The following DDX31 variants were observed in gnomAD, a reference collection of about 807,000 sequenced individuals.
The protein encoded by DDX31 is ATP-dependent DNA helicase DDX31.
Under a neutral mutation model 91.3 loss-of-function variants are expected in DDX31, and 70 were observed. The ratio of observed to expected loss-of-function variants is 0.77; its 90% confidence interval spans 0.63 to 0.94. The LOEUF is 0.94. Among genes scored for constraint, DDX31 ranks in the 40% least tolerant of loss-of-function variants. The probability of loss-of-function intolerance (pLI) is 0.00; values close to 1 mark genes in which losing one functional copy is unlikely to be tolerated. For missense variants in DDX31, 902 were observed against 925.0 expected (o/e 0.98, Z 0.32); for synonymous variants, 362 against 350.6 (o/e 1.03, Z -0.36).
chr9:132,655,691 A>C (rs1329515211), intron 6 of DDX31, among the ~76,000 whole-genome samples: 1 of 152,178 alleles, frequency 6.6e-6, no homozygotes, highest in Non-Finnish European at 1.5e-5. Context: ...AACAGAAGAA[A>C]CCAAAGTAAT....
intron 14 of DDX31, chr9:132,638,326 G>C: frequency 1.2e-6 from 2 of 1,614,056 alleles, no homozygotes; most frequent in Non-Finnish European, 1.7e-6. Context: ...GGTATTAAAA[G>C]CAAGGTTCCT....
intron 19 of DDX31, among the ~76,000 whole-genome samples, chr9:132,598,281 G>A (rs1055890267): frequency 2.0e-5 from 3 of 152,164 alleles, no homozygotes; most frequent in African/African-American, 7.2e-5. Flanking sequence ...CCAAGCATGC[G>A]ATGGGCACTC....
intron 1 of DDX31, among the ~76,000 whole-genome samples, chr9:132,667,071 A>G (rs533894495): frequency 2.0e-5 from 3 of 147,992 alleles, no homozygotes; most frequent in South Asian, 2.2e-4. Flanking sequence ...CTGGTCTCCA[A>G]CTCCTGACCT....
chr9:132,643,214 C>G (rs1833607830), intron 13 of DDX31, among the ~76,000 whole-genome samples: 1 of 152,010 alleles, frequency 6.6e-6, no homozygotes, highest in Non-Finnish European at 1.5e-5. Context: ...GGTTAAATTC[C>G]TAGAAACAGA....
intron 16 of DDX31, among the ~76,000 whole-genome samples, chr9:132,629,200 C>T (rs1053834225): frequency 2.0e-5 from 3 of 152,172 alleles, no homozygotes; most frequent in Admixed American, 1.3e-4. Context: ...GCACATCTTC[C>T]TTAACAAATA....
Position 132,661,391 on chromosome 9 carries a change from T to C in DDX31, c.409-140A>G, listed in dbSNP as rs192616766. On this transcript the variant is annotated intron_variant, in intron 3 of 19. Coordinates refer to ENST00000372159, the MANE Select transcript of DDX31 (RefSeq NM_022779.9). ...GTTCCTCCACCCAGGTGGTGCTCTC[T>C]ACTTGGGGCGATTCTGCCACCCGCC... is the stretch of plus-strand genomic sequence containing the variant. 69 of 742,196 alleles carry C rather than the reference T, an allele frequency of 9.3e-5. No homozygotes were observed. In the African/African-American group the frequency reaches 1.1e-3, roughly 12 times the overall value. The allele number at this position is 742,196 out of a possible 1,614,324, so 46.0% of individuals were successfully genotyped here. A position where few individuals can be genotyped will look rare whatever the true frequency, so the allele number is the denominator to read the frequency against.
intron 12 of DDX31, 75 bp from the exon 13 acceptor site, chr9:132,646,146 C>T (rs918339369): frequency 5.4e-6 from 8 of 1,472,376 alleles, no homozygotes; most frequent in African/African-American, 2.8e-5. Context: ...TTTCTCTAAA[C>T]TATACAGTCA....
intron 19 of DDX31, among the ~76,000 whole-genome samples, chr9:132,598,151 T>C (rs1830538779): frequency 6.6e-6 from 1 of 152,140 alleles, no homozygotes; most frequent in African/African-American, 2.4e-5. Flanking sequence ...CCTGCTGTCA[T>C]GACAGCCACC....
chr9:132,663,044 T>C (rs1053918052), intron 1 of DDX31, among the ~76,000 whole-genome samples: 12 of 152,130 alleles, frequency 7.9e-5, no homozygotes, highest in Admixed American at 6.5e-4. Context: ...GAATCCACCT[T>C]GTGAAGGGTG....
chr9:132,623,602 C>T (rs1229874362), intron 17 of DDX31, among the ~76,000 whole-genome samples: 4 of 151,440 alleles, frequency 2.6e-5, no homozygotes, highest in Admixed American at 6.6e-5. Context: ...AAGAAAGGTC[C>T]GATCACAGGC....
intron 16 of DDX31, among the ~76,000 whole-genome samples, chr9:132,628,582 TAGAGAA>T (rs1832537972): frequency 6.6e-6 from 1 of 152,196 alleles, no homozygotes; most frequent in Non-Finnish European, 1.5e-5. Context: ...AATGTGTTAT[TAGAGAA>T]AAATGAAGAG....
chr9:132,662,231 C>A (rs754328587), intron 3 of DDX31, 30 bp downstream of exon 3: 23 of 1,612,134 alleles, frequency 1.4e-5, no homozygotes, highest in Non-Finnish European at 2.0e-5. Flanking sequence ...CCAAAAAAAA[C>A]TGACCCAGAA....
At chr9:132,636,097 G>C (rs1441264591) in intron 14 of DDX31, among the ~76,000 whole-genome samples, 1 of 152,208 alleles carries the variant, frequency 6.6e-6, no homozygotes, top group African/African-American at 2.4e-5. Context: ...TCGTAACTGA[G>C]ATTTGCAGGT....
At chr9:132,643,474 A>G (rs558082218) in intron 13 of DDX31, among the ~76,000 whole-genome samples, 6 of 152,366 alleles carry the variant, frequency 3.9e-5, no homozygotes, top group East Asian at 3.9e-4. Flanking sequence ...GATTTTGTCC[A>G]TGGCTGGAAG....
chr9:132,608,909 C>A (rs1170351412), intron 19 of DDX31, among the ~76,000 whole-genome samples: 1 of 152,192 alleles, frequency 6.6e-6, no homozygotes, highest in South Asian at 2.1e-4. Context: ...GTCAAGTTTT[C>A]TCTGCCGCTT....
At chr9:132,606,708 C>T (rs369863862) in intron 19 of DDX31, among the ~76,000 whole-genome samples, 1 of 152,136 alleles carries the variant, frequency 6.6e-6, no homozygotes, top group East Asian at 1.9e-4. Flanking sequence ...GGCACACAGA[C>T]TGTAAGTGGC....
At chr9:132,631,219 G>C (rs1259195795) in intron 15 of DDX31, among the ~76,000 whole-genome samples, 1 of 152,144 alleles carries the variant, frequency 6.6e-6, no homozygotes, top group East Asian at 1.9e-4. Context: ...TGAGGGCCAA[G>C]GTCAATATAA....
intron 14 of DDX31, among the ~76,000 whole-genome samples, chr9:132,636,565 C>T (rs1460264603): frequency 6.6e-6 from 1 of 152,188 alleles, no homozygotes; most frequent in Non-Finnish European, 1.5e-5. Flanking sequence ...AGTCCAAACA[C>T]AGCGCAACAG....
At chr9:132,669,577 G>A (rs1326731193) in intron 1 of DDX31, 6 of 1,476,738 alleles carry the variant, frequency 4.1e-6, no homozygotes, top group Non-Finnish European at 5.4e-6. Context: ...TACCTTCCAC[G>A]GGAAACAGCC....
Sources: allele counts gnomAD v4.1 joint callset (sites outside exome capture counted in the v4.1 genomes callset), GRCh38; gene constraint gnomAD v4.1.1; transcripts MANE v1.5; gene names NCBI Gene and HGNC (gene_info 2026-07-23, HGNC 2026-07-21).